EHBP1: variants seen among roughly 807,000 people sequenced by gnomAD.
The protein encoded by EHBP1 is EH domain-binding protein 1.
Under a neutral mutation model 144.0 loss-of-function variants are expected in EHBP1, and 55 were observed. That is an observed-to-expected ratio of 0.38 (90% CI 0.31 to 0.48). The LOEUF is 0.48. EHBP1 is among the 20% of genes least tolerant of loss of function. The pLI, the probability that EHBP1 is intolerant of heterozygous loss-of-function variation, is 0.98. For missense variants in EHBP1, 1,200 were observed against 1,364.2 expected, an observed-to-expected ratio of 0.88 and a Z score of 1.90; for synonymous variants, 469 against 472.7, an observed-to-expected ratio of 0.99 and a Z score of 0.10.
chr2:62,678,021 A>G (rs1056825134), intron 1 of EHBP1, among the ~76,000 whole-genome samples: 1 of 152,166 alleles, frequency 6.6e-6, no homozygotes. Flanking sequence ...CCTGGATCAT[A>G]TAGTAGCTCT....
intron 10 of EHBP1, among the ~76,000 whole-genome samples, chr2:62,934,358 T>C (rs539696293): frequency 6.6e-6 from 1 of 152,240 alleles, no homozygotes; most frequent in African/African-American, 2.4e-5. Context: ...TACTGAATAT[T>C]TGAATTTCTT....
At chr2:62,836,499 T>A (rs2047270690) in intron 7 of EHBP1, among the ~76,000 whole-genome samples, 1 of 143,802 alleles carries the variant, frequency 7.0e-6, no homozygotes, top group Non-Finnish European at 1.5e-5. Flanking sequence ...GGAGAATGAC[T>A]TTGACGAGCT....
chr2:62,894,822 G>T (rs927723615), intron 10 of EHBP1, among the ~76,000 whole-genome samples: 3 of 152,008 alleles, frequency 2.0e-5, no homozygotes, highest in African/African-American at 7.2e-5. Flanking sequence ...GGAGGTTAAG[G>T]TGGGAGGATT....
In EHBP1 at chr2:62,707,119, C is replaced by T; in HGVS notation, c.-73C>T. The T allele has an allele frequency of 8.4e-7, 1 of 1,188,170 alleles. No individual in the cohort carries two copies. The highest frequency in any genetic ancestry group is 2.3e-5 in the East Asian group (1 of 42,630). 73.6% of individuals were successfully genotyped at this position (1,188,170 alleles called of 1,614,324 possible). On this transcript the variant is annotated 5_prime_UTR_variant, in exon 2 of 23. Coordinates refer to ENST00000431489, the MANE Select transcript of EHBP1 (RefSeq NM_001142616.3). ...AAGACATACATGCAAAGTTCCTTTG[C>T]TTTGGACCCTCTGCATTATTAAAGC...
intron 5 of EHBP1, among the ~76,000 whole-genome samples, chr2:62,802,945 G>A (rs1262667396): frequency 1.3e-5 from 2 of 152,006 alleles, no homozygotes; most frequent in African/African-American, 4.8e-5. Flanking sequence ...GGCTGGTCTC[G>A]AACTCCTGAC....
At chr2:62,981,559 A>G (rs1387554717) in intron 15 of EHBP1, among the ~76,000 whole-genome samples, 2 of 152,170 alleles carry the variant, frequency 1.3e-5, no homozygotes, top group South Asian at 4.1e-4. Context: ...ATGATATGGG[A>G]TGTGTCAGCT....
intron 2 of EHBP1, among the ~76,000 whole-genome samples, chr2:62,740,313 CTATG>C (rs2152100056): frequency 6.6e-6 from 1 of 152,072 alleles, no homozygotes; most frequent in East Asian, 1.9e-4. Context: ...GAAATATATC[CTATG>C]TATGTACTTT....
At chr2:62,976,943 G>C (rs1460832021) in intron 14 of EHBP1, among the ~76,000 whole-genome samples, 1 of 151,472 alleles carries the variant, frequency 6.6e-6, no homozygotes, top group Non-Finnish European at 1.5e-5. Context: ...CCCTCCCTCT[G>C]CATCTATTAT....
chr2:62,908,580 T>C (rs2053973987), intron 10 of EHBP1, among the ~76,000 whole-genome samples: 1 of 152,196 alleles, frequency 6.6e-6, no homozygotes, highest in South Asian at 2.1e-4. Flanking sequence ...GTAAGACTTA[T>C]TTTAGCTCCA....
chr2:62,879,117 A>G (rs952966075), intron 10 of EHBP1, among the ~76,000 whole-genome samples: 1 of 152,118 alleles, frequency 6.6e-6, no homozygotes, highest in Non-Finnish European at 1.5e-5. Flanking sequence ...CCCTTAACAA[A>G]CTAGGTATTA....
At chr2:62,858,701 C>T (rs1007860668) in intron 7 of EHBP1, among the ~76,000 whole-genome samples, 1 of 152,178 alleles carries the variant, frequency 6.6e-6, no homozygotes, top group Non-Finnish European at 1.5e-5. Context: ...AAAGTCATGT[C>T]AGGATCCTTG....
intron 5 of EHBP1, among the ~76,000 whole-genome samples, chr2:62,788,512 T>C (rs953916873): frequency 2.6e-5 from 4 of 152,084 alleles, no homozygotes; most frequent in African/African-American, 9.7e-5. Context: ...TTCTAGAAAA[T>C]TAGGAAACTT....
At chr2:62,989,579 C>T (rs1302890412) in intron 15 of EHBP1, among the ~76,000 whole-genome samples, 4 of 152,086 alleles carry the variant, frequency 2.6e-5, no homozygotes, top group Non-Finnish European at 4.4e-5. Context: ...TTTTCCAAAA[C>T]GAACACACAT....
At chr2:62,677,562 T>G (rs923180699) in intron 1 of EHBP1, among the ~76,000 whole-genome samples, 8 of 152,346 alleles carry the variant, frequency 5.3e-5, no homozygotes, top group African/African-American at 1.7e-4. Context: ...CACACTGTTA[T>G]GTTAACAAAT....
chr2:62,874,078 A>AT (rs1224221045), intron 9 of EHBP1, among the ~76,000 whole-genome samples: 2 of 152,164 alleles, frequency 1.3e-5, no homozygotes, highest in African/African-American at 4.8e-5. Context: ...AATATTTAAC[A>AT]TTTTTCTAAG....
At position 62,955,550 on chromosome 2, in the gene EHBP1, G is replaced by A. The variant is rs1558977011; in HGVS notation, c.2350G>A (p.Glu784Lys). Residue 784 changes from glutamate (E) to lysine (K), a missense_variant, in exon 14 of 23, where the codon GAA (glutamate) becomes AAA (lysine). Physicochemically the swap from Glu to Lys is moderately conservative, Grantham distance 56. Around this residue, in one of 6 missense-constraint regions of EHBP1, gnomAD observed 543 missense variants for 513.1 expected, o/e 1.06. Transcript: ENST00000431489. Reference sequence around the variant, plus strand: ...GTTATCTAGACAAGAAGAACTTAAGGAAAGAGCAAGAGTTCTGCTTGAGCA... The same window carrying A: ...GTTATCTAGACAAGAAGAACTTAAGAAAAGAGCAAGAGTTCTGCTTGAGCA... ...RLLSRQEELK[E>K]RARVLLEQAR... is the part of the protein sequence containing the mutation. The A allele has an allele frequency of 6.2e-7, 1 of 1,612,466 alleles. No individual in the cohort carries two copies. The highest frequency in any genetic ancestry group is 2.2e-5 in the East Asian group (1 of 44,790).
At position 63,046,394 on chromosome 2, in the gene EHBP1, A is replaced by C. The variant is rs1009227634; in HGVS notation, c.*894A>C. 1 of 152,652 alleles carries C rather than the reference A, an allele frequency of 6.6e-6. No homozygotes were observed. Among genetic ancestry groups the C allele is most frequent in the Admixed American group, 6.5e-5 (1 of 15,288 alleles). 9.5% of individuals were successfully genotyped at this position (152,652 alleles called of 1,614,324 possible). ...TTAATATTTTCTTCTTTAGCATAGC[A>C]CTGTCATTTTTTGTGAAAATGGTTA... On this transcript the variant is annotated 3_prime_UTR_variant, in exon 23 of 23. Transcript: ENST00000431489.
chr2:62,937,420 G>A (rs1266765032), intron 10 of EHBP1, among the ~76,000 whole-genome samples: 4 of 152,114 alleles, frequency 2.6e-5, no homozygotes, highest in Admixed American at 2.0e-4. Flanking sequence ...ACTTTGTGGG[G>A]CATAATAGGT....
chr2:62,949,084 C>T lies in EHBP1; in HGVS notation c.2238C>T (p.Ser746=), dbSNP rs376779193. The T allele has an allele frequency of 6.2e-7, 1 of 1,605,732 alleles. No individual in the cohort carries two copies. The highest frequency in any genetic ancestry group is 8.5e-7 in the Non-Finnish European group (1 of 1,178,046). ...ACCTTGCTAAGAAAAAACATGCTTC[C>T]CTGAGGCAGACGGAGTCTGATCCAG... ...DLDLAKKKHA[S]LRQTESDPDA... Residue 746 remains serine (S), a synonymous_variant, in exon 13 of 23, where the codon TCC becomes TCT. Transcript: ENST00000431489.
Sources: gnomAD v4.1 joint callset for allele counts (sites outside exome capture counted in the v4.1 genomes callset) on GRCh38, gnomAD v4.1.1 for gene constraint, gnomAD v4.1.1 regional missense constraint, MANE v1.5 for transcripts, NCBI Gene and HGNC (gene_info 2026-07-23, HGNC 2026-07-21) for gene names.